Variants in RAMAC observed in about 807,000 individuals in gnomAD.
RAMAC encodes the protein RNA guanine-7 methyltransferase activating subunit, also known as RNA guanine-N7 methyltransferase activating subunit.
RAMAC carries 11 observed loss-of-function variants against 17.9 expected under a neutral mutation model. The observed-to-expected ratio is 0.61, with a 90% CI of 0.39 to 1.02. The LOEUF is 1.02. Among genes scored for constraint, RAMAC ranks in the 50% least tolerant of loss-of-function variants. The pLI is 0.01. For synonymous variants in RAMAC, 27 were observed against 48.4 expected (o/e 0.56, Z 1.84); for missense variants, 109 against 144.0 (o/e 0.76, Z 1.25).
At position 82,989,035 on chromosome 15, in the gene RAMAC, A is replaced by G. The variant is rs747821997; in HGVS notation, c.17A>G (p.Glu6Gly). The change falls in exon 3 of 4, where the codon GAA becomes GGA. Residue 6 changes from glutamate (E) to glycine (G), a missense_variant. Coordinates refer to ENST00000304191, the MANE Select transcript of RAMAC (RefSeq NM_031452.4). MTDTA[E>G]AVPKFEEMFA... The stretch of plus-strand genomic sequence containing the variant: ...ATTTTCAGAATGACTGACACTGCCG[A>G]AGCTGTTCCAAAGTTTGAAGAGATG... The G allele has an allele frequency of 2.5e-6, 4 of 1,612,406 alleles. No individual in the cohort carries two copies. The South Asian group carries it at 4.4e-5, about 18-fold the overall frequency.
At position 82,990,142 on chromosome 15, in the gene RAMAC, CAT is replaced by C; in HGVS notation, c.*77_*78del. 1.8e-6 allele frequency: 1 copy of C among 563,426 alleles called. No individual in the cohort carries two copies. Among genetic ancestry groups the C allele is most frequent in the Non-Finnish European group, 2.8e-6 (1 of 361,398 alleles). 34.9% of individuals were successfully genotyped at this position (563,426 alleles called of 1,614,324 possible). A position where few individuals can be genotyped will look rare whatever the true frequency, so the allele number is the denominator to read the frequency against. ...AAAAGTTTGGGTGTCTTCTGTTGGT[CAT>C]AGTTTTACATCTGATTTTACAGAAT... On this transcript the variant is annotated 3_prime_UTR_variant, in exon 4 of 4. Transcript: ENST00000304191.
At chr15:82,989,211 G>T (rs1433088699) in intron 3 of RAMAC, 23 bp downstream of exon 3, 1 of 1,608,132 alleles carries the variant, frequency 6.2e-7, no homozygotes, top group African/African-American at 1.3e-5. Flanking sequence ...AAGAATAAAT[G>T]CAGATAGTTG....
chr15:82,989,143 A>T lies in RAMAC; in HGVS notation c.125A>T (p.Glu42Val). ...RPPESPPIVE[E>V]WNSRAGGNQR... Reference sequence around the variant, plus strand: ...CCTGAGTCTCCTCCAATTGTTGAGGAATGGAATAGCAGAGCTGGTGGGAAC... The same window carrying T: ...CCTGAGTCTCCTCCAATTGTTGAGGTATGGAATAGCAGAGCTGGTGGGAAC... The change falls in exon 3 of 4, where the codon GAA becomes GTA. Residue 42 changes from glutamate (E) to valine (V), a missense_variant. Transcript: ENST00000304191. 1 of 1,613,924 alleles carries T rather than the reference A, an allele frequency of 6.2e-7. No homozygotes were observed.
chr15:82,989,569 A>G (rs746481091), intron 3 of RAMAC, among the ~76,000 whole-genome samples: 6 of 152,236 alleles, frequency 3.9e-5, no homozygotes, highest in Non-Finnish European at 8.8e-5. Flanking sequence ...TAATAATTCA[A>G]AATAGTCAAA....
chr15:82,990,553 T>TTTTGCA lies in RAMAC; in HGVS notation c.*489_*490insGCATTT. 1 of 1,029,448 alleles carries TTTTGCA rather than the reference T, an allele frequency of 9.7e-7. No homozygotes were observed. The highest frequency in any genetic ancestry group is 3.0e-4 in the Middle Eastern group (1 of 3,348). 63.8% of individuals were successfully genotyped at this position (1,029,448 alleles called of 1,614,324 possible). The stretch of plus-strand genomic sequence containing the variant: ...AAGGTAAAACAATTGCTTTTTTTTT[T>TTTTGCA]TTTTGCATTTGTTAAGTGACTATGG... On this transcript the variant is annotated 3_prime_UTR_variant, in exon 4 of 4. Coordinates refer to ENST00000304191, the MANE Select transcript of RAMAC (RefSeq NM_031452.4).
At chr15:82,989,576 C>T (rs968107804) in intron 3 of RAMAC, among the ~76,000 whole-genome samples, 4 of 152,098 alleles carry the variant, frequency 2.6e-5, no homozygotes, top group African/African-American at 7.2e-5. Context: ...TCAAAATAGT[C>T]AAAGGAATAA....
intron 2 of RAMAC, among the ~76,000 whole-genome samples, chr15:82,987,869 G>C (rs1334815953): frequency 6.6e-6 from 1 of 151,322 alleles, no homozygotes; most frequent in African/African-American, 2.4e-5. Flanking sequence ...ATGAAACCCT[G>C]TCTCTACTAA....
intron 1 of RAMAC, among the ~76,000 whole-genome samples, chr15:82,986,822 C>T (rs902757564): frequency 6.6e-6 from 1 of 152,204 alleles, no homozygotes; most frequent in African/African-American, 2.4e-5. Context: ...CATACTTGAA[C>T]TATTTTGCTT....
chr15:82,989,783 G>T, intron 3 of RAMAC, 98 bp from the exon 4 acceptor site: 1 of 1,394,864 alleles, frequency 7.2e-7, no homozygotes, highest in Non-Finnish European at 9.7e-7. Context: ...CTTATTTATT[G>T]TGTATTAGAA....
At position 82,990,029 on chromosome 15, in the gene RAMAC, T is replaced by C. The variant is rs777954563; in HGVS notation, c.319T>C (p.Tyr107His). 17 of 1,552,576 alleles carry C rather than the reference T, an allele frequency of 1.1e-5. No homozygotes were observed. In the Admixed American group the frequency reaches 2.9e-4, roughly 27 times the overall value. The change falls in exon 4 of 4, where the codon TAT (tyrosine) becomes CAT (histidine). Residue 107 changes from tyrosine to histidine, a missense_variant. Physicochemically the swap from Tyr to His is moderately conservative, Grantham distance 83 (BLOSUM62 2). Transcript: ENST00000304191. ...EPYYPQQYGH[Y>H]GYNQRPPYGY... The stretch of plus-strand genomic sequence containing the variant: ...TTACTATCCCCAGCAATATGGACAT[T>C]ATGGTTACAACCAGCGGCCTCCTTA...
intron 2 of RAMAC, 94 bp from the exon 3 acceptor site, chr15:82,988,916 G>A (rs909921077): frequency 1.3e-5 from 14 of 1,067,454 alleles, no homozygotes; most frequent in South Asian, 5.1e-5. Context: ...TGAATACCCC[G>A]CCTAAAAATT....
At chr15:82,988,890 C>A in intron 2 of RAMAC, 120 bp from the exon 3 acceptor site, 2 of 831,120 alleles carry the variant, frequency 2.4e-6, no homozygotes, top group Non-Finnish European at 3.7e-6. Context: ...TGTCTGAAAG[C>A]ACACAAAGAC....
intron 2 of RAMAC, chr15:82,988,479 T>C (rs1298720780): frequency 5.0e-6 from 1 of 200,974 alleles, no homozygotes; most frequent in East Asian, 1.7e-4. Flanking sequence ...GAAGAAGTTA[T>C]CACAATAGCT....
Position 82,989,104 on chromosome 15 carries a change from A to C in RAMAC, c.86A>C (p.Tyr29Ser), listed in dbSNP as rs778479846. Reference protein sequence around the residue: ...FTENDKEYQEYLKRPPESPPI... With the variant: ...FTENDKEYQESLKRPPESPPI... ...GAAAATGACAAGGAGTATCAGGAAT[A>C]CCTGAAACGCCCTCCTGAGTCTCCT... The change falls in exon 3 of 4, where the codon TAC becomes TCC. Residue 29 changes from tyrosine to serine, a missense_variant. Transcript: ENST00000304191. 6.2e-7 allele frequency: 1 copy of C among 1,613,830 alleles called. No homozygotes were observed. Among genetic ancestry groups the C allele is most frequent in the East Asian group, 2.2e-5 (1 of 44,880 alleles).
chr15:82,990,902 T>TG lies in RAMAC; in HGVS notation c.*835_*836insG. 1 of 403,542 alleles carries TG rather than the reference T, an allele frequency of 2.5e-6. No individual in the cohort carries two copies. Among genetic ancestry groups the TG allele is most frequent in the Admixed American group, 3.9e-5 (1 of 25,490 alleles). The allele number at this position is 403,542 out of a possible 1,614,324, so 25.0% of individuals were successfully genotyped here. A position where few individuals can be genotyped will look rare whatever the true frequency, so the allele number is the denominator to read the frequency against. Reference sequence around the variant, plus strand: ...GCTGATTTTACAATGTTATATTCACTTCCAGATGCATACCTCTGCTGCTTT... The same window carrying TG: ...GCTGATTTTACAATGTTATATTCACTGTCCAGATGCATACCTCTGCTGCTTT... On this transcript the variant is annotated 3_prime_UTR_variant, in exon 4 of 4. Coordinates refer to ENST00000304191, the MANE Select transcript of RAMAC (RefSeq NM_031452.4).
At chr15:82,988,332 GGGAAAA>G (rs1253429439) in intron 2 of RAMAC, 2 of 162,838 alleles carry the variant, frequency 1.2e-5, no homozygotes, top group Non-Finnish European at 2.7e-5. Context: ...CTCCGTCTGG[GGGAAAA>G]GGAAAAAGAA....
At chr15:82,989,513 CG>C (rs2030767888) in intron 3 of RAMAC, among the ~76,000 whole-genome samples, 3 of 152,090 alleles carry the variant, frequency 2.0e-5, no homozygotes, top group Admixed American at 2.0e-4. Context: ...AACATTGTTT[CG>C]ATTTTACTTT....
intron 1 of RAMAC, among the ~76,000 whole-genome samples, chr15:82,986,687 A>G (rs932466838): frequency 6.6e-6 from 1 of 152,198 alleles, no homozygotes; most frequent in East Asian, 1.9e-4. Flanking sequence ...GGTTATTTCC[A>G]GGGTTAGTCG....
intron 2 of RAMAC, among the ~76,000 whole-genome samples, chr15:82,987,723 T>C (rs1302207690): frequency 1.3e-5 from 2 of 152,176 alleles, no homozygotes; most frequent in Non-Finnish European, 2.9e-5. Flanking sequence ...TGATAAAGCA[T>C]ACTAAGAGCA....
Sources: allele counts gnomAD v4.1 joint callset (sites outside exome capture counted in the v4.1 genomes callset), GRCh38; gene constraint gnomAD v4.1.1; transcripts MANE v1.5; gene names NCBI Gene and HGNC (gene_info 2026-07-23, HGNC 2026-07-21).